The following SIPA1L1 variants were observed in gnomAD, a reference collection of about 807,000 sequenced individuals.
SIPA1L1 encodes the protein signal induced proliferation associated 1 like 1.
Under a neutral mutation model 162.7 loss-of-function variants are expected in SIPA1L1, and 26 were observed. The observed-to-expected ratio is 0.16, with a 90% confidence interval of 0.12 to 0.22. SIPA1L1 has a LOEUF of 0.22. SIPA1L1 is among the 10% of genes least tolerant of loss of function. The pLI is 1.00. For synonymous variants in SIPA1L1, 829 were observed against 837.4 expected (o/e 0.99, Z 0.17); for missense variants, 1,874 against 2,241.0 (o/e 0.84, Z 3.31).
chr14:71,351,704 C>A (rs554294373), intron 2 of SIPA1L1, among the ~76,000 whole-genome samples: 13 of 152,282 alleles, frequency 8.5e-5, no homozygotes, highest in African/African-American at 3.1e-4. Flanking sequence ...TCAGACAGAA[C>A]AACAACCAAC....
intron 13 of SIPA1L1, among the ~76,000 whole-genome samples, chr14:71,696,206 C>G (rs1158944204): frequency 2.0e-5 from 3 of 152,180 alleles, no homozygotes; most frequent in Non-Finnish European, 2.9e-5. Flanking sequence ...TTCTCACAGT[C>G]TGTATAGCAA....
chr14:71,574,783 T>C (rs2032725631), intron 4 of SIPA1L1: 1 of 152,204 alleles, frequency 6.6e-6, no homozygotes, highest in Non-Finnish European at 1.5e-5. Context: ...TTAATTTTTT[T>C]TCTAGTTAAT....
At chr14:71,574,978 A>T (rs371954808) in intron 4 of SIPA1L1, 6 of 152,332 alleles carry the variant, frequency 3.9e-5, no homozygotes, top group East Asian at 3.9e-4. Context: ...GCATTAAAGA[A>T]AGATACTTTG....
chr14:71,576,777 A>G (rs1176057672), intron 4 of SIPA1L1, among the ~76,000 whole-genome samples: 1 of 152,192 alleles, frequency 6.6e-6, no homozygotes, highest in Non-Finnish European at 1.5e-5. Context: ...CCTAAAATCC[A>G]GGCCTAAATA....
intron 4 of SIPA1L1, among the ~76,000 whole-genome samples, chr14:71,569,489 A>G (rs1280516600): frequency 6.6e-6 from 1 of 152,236 alleles, no homozygotes; most frequent in African/African-American, 2.4e-5. Context: ...GGATGCTGGC[A>G]GTCAGACGGG....
rs116295413 is a variant in SIPA1L1 at position 71,377,092 on chromosome 14, C to T, written c.-465+55911C>T. Among the ~76,000 whole-genome samples the T allele has an allele frequency of 5.1e-3, 777 of 152,164 alleles. 12 individuals carry two copies. The highest frequency in any genetic ancestry group is 0.018 in the African/African-American group (730 of 41,506). ...GGCAGCTGGGCAGAGGGGCTCCTCA[C>T]TTTCCAGATGTGGCGGCCGGGCAGA... On this transcript the variant is annotated intron_variant, in intron 2 of 23. Coordinates refer to ENST00000381232, the MANE Select transcript of SIPA1L1 (RefSeq NM_001386936.1). This position sits in a 1 kb window ranked among gnomAD's most constrained non-coding sequence, Gnocchi z 4.8.
At chr14:71,407,493 C>CCTTT (rs1717219443) in intron 2 of SIPA1L1, among the ~76,000 whole-genome samples, 1 of 107,398 alleles carries the variant, frequency 9.3e-6, no homozygotes, top group South Asian at 3.8e-4. Context: ...CCCTCCCCTT[C>CCTTT]CTTCCTTCCC....
chr14:71,638,801 G>A (rs2041419862), intron 7 of SIPA1L1, among the ~76,000 whole-genome samples: 2 of 152,196 alleles, frequency 1.3e-5, no homozygotes, highest in Admixed American at 1.3e-4. Context: ...TGTTTAGCAA[G>A]CTTGTATGAT....
intron 2 of SIPA1L1, among the ~76,000 whole-genome samples, chr14:71,426,753 A>G (rs2043599169): frequency 6.6e-6 from 1 of 152,094 alleles, no homozygotes; most frequent in Admixed American, 6.6e-5. Flanking sequence ...TGGCCTCCCA[A>G]AGTGCTGGGA....
chr14:71,613,483 G>A (rs79342703), intron 5 of SIPA1L1, among the ~76,000 whole-genome samples: 3,168 of 151,960 alleles, frequency 0.021, 106 homozygotes, highest in African/African-American at 0.072. Flanking sequence ...ATCCCGGTAT[G>A]CTGGCTCTAA....
At chr14:71,329,262 A>G (rs1213742883) in intron 2 of SIPA1L1, among the ~76,000 whole-genome samples, 1 of 152,148 alleles carries the variant, frequency 6.6e-6, no homozygotes, top group Non-Finnish European at 1.5e-5. Flanking sequence ...TATTTTGTGT[A>G]TATACCCAGA....
At chr14:71,516,063 CT>C (rs1287462865) in intron 3 of SIPA1L1, among the ~76,000 whole-genome samples, 1 of 152,118 alleles carries the variant, frequency 6.6e-6, no homozygotes. Context: ...ATAAAGAACC[CT>C]TTGCTTTAAG....
At chr14:71,434,741 A>G (rs1352915948) in intron 2 of SIPA1L1, among the ~76,000 whole-genome samples, 2 of 151,938 alleles carry the variant, frequency 1.3e-5, no homozygotes, top group Non-Finnish European at 2.9e-5. Flanking sequence ...ACCATGCCCA[A>G]CTAACTTACT....
chr14:71,697,349 T>A (rs904062628), intron 13 of SIPA1L1, among the ~76,000 whole-genome samples: 1 of 152,154 alleles, frequency 6.6e-6, no homozygotes, highest in African/African-American at 2.4e-5. Context: ...CAGTAAATAG[T>A]AGTTGAACTT....
At chr14:71,363,811 T>C (rs1341348035) in intron 2 of SIPA1L1, among the ~76,000 whole-genome samples, 1 of 152,202 alleles carries the variant, frequency 6.6e-6, no homozygotes, top group Non-Finnish European at 1.5e-5. Flanking sequence ...GAAACAGGCT[T>C]GGGATTTATA....
intron 4 of SIPA1L1, among the ~76,000 whole-genome samples, chr14:71,565,213 C>A (rs1193281154): frequency 6.6e-6 from 1 of 152,180 alleles, no homozygotes; most frequent in Non-Finnish European, 1.5e-5. Flanking sequence ...ATTTTCCCTT[C>A]ATTCTGTTGA....
intron 4 of SIPA1L1, among the ~76,000 whole-genome samples, chr14:71,534,466 ATC>A (rs1321688353): frequency 2.6e-5 from 4 of 152,188 alleles, no homozygotes; most frequent in Non-Finnish European, 4.4e-5. Flanking sequence ...GTAGGAAAAT[ATC>A]TAAAGGAGTT....
At chr14:71,446,477 G>T (rs1187703309) in intron 2 of SIPA1L1, among the ~76,000 whole-genome samples, 1 of 152,164 alleles carries the variant, frequency 6.6e-6, no homozygotes, top group Non-Finnish European at 1.5e-5. Context: ...TGAGGCAGGA[G>T]GATCGCTTGA....
chr14:71,535,538 A>G (rs1173871697), intron 4 of SIPA1L1, among the ~76,000 whole-genome samples: 3 of 152,160 alleles, frequency 2.0e-5, no homozygotes, highest in African/African-American at 4.8e-5. Flanking sequence ...AGGAAAGTCA[A>G]GTCACCAGAA....
Sources: allele counts gnomAD v4.1 joint callset (sites outside exome capture counted in the v4.1 genomes callset), GRCh38; gene constraint gnomAD v4.1.1; non-coding constraint Gnocchi (gnomAD v3.1); transcripts MANE v1.5; gene names NCBI Gene and HGNC (gene_info 2026-07-23, HGNC 2026-07-21).